The following DOCK3 variants were observed in gnomAD, a reference collection of about 807,000 sequenced individuals.
DOCK3 encodes dedicator of cytokinesis 3.
Under a neutral mutation model 265.6 loss-of-function variants are expected in DOCK3, and 60 were observed. The ratio of observed to expected loss-of-function variants is 0.23; its 90% CI spans 0.18 to 0.28. DOCK3 has a LOEUF of 0.28. Among genes scored for constraint, DOCK3 ranks in the 10% least tolerant of loss-of-function variants. The pLI is 1.00. For synonymous variants in DOCK3, 881 were observed against 938.0 expected (o/e 0.94, Z 1.11); for missense variants, 1,981 against 2,594.3 (o/e 0.76, Z 5.14).
intron 4 of DOCK3, among the ~76,000 whole-genome samples, chr3:50,901,136 G>A (rs1194632165): frequency 6.6e-6 from 1 of 152,142 alleles, no homozygotes; most frequent in Non-Finnish European, 1.5e-5. Context: ...ATAAGCCCCT[G>A]AATGGGGCTG....
chr3:51,040,124 A>G (rs905807648), intron 5 of DOCK3, among the ~76,000 whole-genome samples: 2 of 151,666 alleles, frequency 1.3e-5, no homozygotes, highest in African/African-American at 4.8e-5. Context: ...TTTGTACTTC[A>G]TTGACTTCTA....
At chr3:50,838,472 T>G (rs2107216812) in intron 2 of DOCK3, among the ~76,000 whole-genome samples, 1 of 152,346 alleles carries the variant, frequency 6.6e-6, no homozygotes, top group South Asian at 2.1e-4. Context: ...ACTCACCAAA[T>G]GAGACTCTGA....
intron 4 of DOCK3, among the ~76,000 whole-genome samples, chr3:50,922,391 T>C (rs57732473): frequency 0.094 from 14,372 of 152,314 alleles, 839 homozygotes; most frequent in Non-Finnish European, 0.12. Flanking sequence ...TGCTGTTTGC[T>C]AAGACTGTTG....
chr3:50,937,276 TAAAAAA>T (rs60209788), intron 5 of DOCK3, among the ~76,000 whole-genome samples: 5 of 110,722 alleles, frequency 4.5e-5, no homozygotes, highest in Non-Finnish European at 3.6e-5. Context: ...AAACTCCATC[TAAAAAA>T]AAAAAAAAAA....
In DOCK3 at chr3:50,877,404, G is replaced by T. The variant is rs371247598; in HGVS notation, c.163-12622G>T. The T allele has an allele frequency of 1.1e-3, 588 of 519,434 alleles. 1 individual carries two copies. The highest frequency in any genetic ancestry group is 3.5e-3 in the Middle Eastern group (11 of 3,140). The allele number at this position is 519,434 out of a possible 1,614,324, so 32.2% of individuals were successfully genotyped here. ...TATGGTCAGGGTCAAGATTATAGCTGCTTCTTTCCAATGGCCCAGAAATCT... is the reference window on the plus strand; with the variant it reads ...TATGGTCAGGGTCAAGATTATAGCTTCTTCTTTCCAATGGCCCAGAAATCT... On this transcript the variant is annotated intron_variant, in intron 3 of 52. Transcript: ENST00000266037.
intron 4 of DOCK3, among the ~76,000 whole-genome samples, chr3:50,908,197 C>CTTTTTT (rs550837883): frequency 4.4e-5 from 5 of 114,430 alleles, no homozygotes; most frequent in African/African-American, 6.7e-5. Context: ...TTTTGAAGGG[C>CTTTTTT]TTTTTTTTTT....
chr3:50,830,056 A>G (rs1217890746), intron 2 of DOCK3, among the ~76,000 whole-genome samples: 2 of 152,040 alleles, frequency 1.3e-5, no homozygotes, highest in Admixed American at 6.5e-5. Context: ...GAATAATTAC[A>G]TTTTTCTGTT....
intron 3 of DOCK3, among the ~76,000 whole-genome samples, chr3:50,847,627 T>C (rs1440518999): frequency 6.6e-6 from 1 of 152,148 alleles, no homozygotes; most frequent in African/African-American, 2.4e-5. Context: ...CTTATGTCTG[T>C]AATTCTAGCA....
chr3:51,348,118 A>AT (rs2085723785), intron 38 of DOCK3, among the ~76,000 whole-genome samples: 1 of 151,942 alleles, frequency 6.6e-6, no homozygotes, highest in Non-Finnish European at 1.5e-5. Context: ...AGAGGTATAT[A>AT]TTTTTTTTAA....
At chr3:50,780,908 T>TG (rs748161632) in intron 2 of DOCK3, among the ~76,000 whole-genome samples, 4 of 152,152 alleles carry the variant, frequency 2.6e-5, no homozygotes, top group Non-Finnish European at 5.9e-5. Flanking sequence ...TATGAGGTGT[T>TG]TAACTTTCTC....
intron 27 of DOCK3, among the ~76,000 whole-genome samples, chr3:51,305,729 TGTGC>T (rs762386258): frequency 2.6e-4 from 13 of 50,796 alleles, no homozygotes; most frequent in Admixed American, 2.3e-3. Context: ...TGTGTGTGTG[TGTGC>T]GCGTGTGTGT....
At chr3:51,333,281 T>C (rs1019756907) in intron 35 of DOCK3, 28 bp downstream of exon 35, 9 of 1,602,826 alleles carry the variant, frequency 5.6e-6, no homozygotes, top group Non-Finnish European at 7.7e-6. Context: ...CGCTCCCCTC[T>C]TCCCTTGTCA....
Position 51,270,851 on chromosome 3 carries a change from G to A in DOCK3, c.2392G>A (p.Glu798Lys). Residue 798 changes from glutamate to lysine, a missense_variant, in exon 24 of 53, where the codon GAG becomes AAG. By Grantham distance (56) the Glu-to-Lys change is moderately conservative (BLOSUM62 1). This residue lies in a region of DOCK3 where 1,357 missense variants were observed against 1,866.8 expected (regional missense o/e 0.73). Coordinates refer to ENST00000266037, the MANE Select transcript of DOCK3 (RefSeq NM_004947.5). ...LLNSFPTIFDELLQMFTVQEV... is the reference protein window; with the variant it reads ...LLNSFPTIFDKLLQMFTVQEV... Reference sequence around the variant, plus strand: ...CAATTCTTTCCCAACCATCTTTGATGAGCTTCTGCAAATGTTCACCGTGCA... The same window carrying A: ...CAATTCTTTCCCAACCATCTTTGATAAGCTTCTGCAAATGTTCACCGTGCA... The A allele has an allele frequency of 3.7e-6, 6 of 1,613,966 alleles. No individual in the cohort carries two copies. Among genetic ancestry groups the A allele is most frequent in the Non-Finnish European group, 4.2e-6 (5 of 1,179,882 alleles).
At chr3:51,049,195 G>T (rs191912240) in intron 5 of DOCK3, among the ~76,000 whole-genome samples, 1 of 152,172 alleles carries the variant, frequency 6.6e-6, no homozygotes, top group Admixed American at 6.5e-5. Context: ...GCATGGTGAT[G>T]CATGCGTGTA....
chr3:51,256,657 A>T (rs2079568926), intron 22 of DOCK3, among the ~76,000 whole-genome samples: 1 of 149,850 alleles, frequency 6.7e-6, no homozygotes, highest in Non-Finnish European at 1.5e-5. Context: ...GCAGAGGCAC[A>T]ATCTTGGCTC....
intron 12 of DOCK3, among the ~76,000 whole-genome samples, chr3:51,205,748 T>A (rs2089167968): frequency 6.6e-6 from 1 of 152,164 alleles, no homozygotes; most frequent in African/African-American, 2.4e-5. Context: ...GTTAACAGCA[T>A]ATAGTATTTG....
chr3:50,734,696 G>A (rs1030988888), intron 1 of DOCK3, among the ~76,000 whole-genome samples: 5 of 137,534 alleles, frequency 3.6e-5, no homozygotes, highest in African/African-American at 5.6e-5. Context: ...TCCGCCTCCT[G>A]GGTTCATGCC....
intron 1 of DOCK3, among the ~76,000 whole-genome samples, chr3:50,678,581 C>T (rs536578172): frequency 3.3e-5 from 5 of 152,130 alleles, no homozygotes; most frequent in African/African-American, 9.6e-5. Context: ...ATTAGTTTGA[C>T]GTCTTAGAAG....
chr3:50,857,134 C>T (rs1480427044), intron 3 of DOCK3, among the ~76,000 whole-genome samples: 2 of 151,982 alleles, frequency 1.3e-5, no homozygotes, highest in Non-Finnish European at 2.9e-5. Flanking sequence ...CTATAGTTTT[C>T]TATTTTTGTT....
Sources: gnomAD v4.1 joint callset for allele counts (sites outside exome capture counted in the v4.1 genomes callset) on GRCh38, gnomAD v4.1.1 for gene constraint, gnomAD v4.1.1 regional missense constraint, MANE v1.5 for transcripts, NCBI Gene and HGNC (gene_info 2026-07-23, HGNC 2026-07-21) for gene names.